The following LHFPL3 variants were observed in gnomAD, a reference collection of about 807,000 sequenced individuals.
The protein encoded by LHFPL3 is LHFPL tetraspan subfamily member 3 protein.
In LHFPL3, 5 loss-of-function variants were observed where a neutral mutation model predicts 19.3. The ratio of observed to expected loss-of-function variants is 0.26; its 90% CI spans 0.14 to 0.54. The LOEUF (loss-of-function observed/expected upper bound fraction) is 0.54, where lower values mean the gene tolerates loss of function less well. LHFPL3 is among the 20% of genes least tolerant of loss of function. The pLI is 0.94. For missense variants in LHFPL3, 249 were observed against 307.4 expected (o/e 0.81, Z 1.42); for synonymous variants, 133 against 126.2 (o/e 1.05, Z -0.36).
intron 1 of LHFPL3, among the ~76,000 whole-genome samples, chr7:104,553,029 C>T (rs1794691024): frequency 6.6e-6 from 1 of 152,126 alleles, no homozygotes. Flanking sequence ...CCATAAAGCC[C>T]TTAGAGTGCT....
chr7:104,549,448 AACACACACACAC>A (rs61148155), intron 1 of LHFPL3, among the ~76,000 whole-genome samples: 70 of 140,322 alleles, frequency 5.0e-4, no homozygotes, highest in East Asian at 8.5e-4. Flanking sequence ...CCCTTAACCC[AACACACACACAC>A]ACACACACAC....
intron 1 of LHFPL3, among the ~76,000 whole-genome samples, chr7:104,551,116 TACACACAC>T (rs3049711): frequency 3.8e-4 from 57 of 150,262 alleles, no homozygotes; most frequent in Non-Finnish European, 6.8e-4. Context: ...CATCCTTGTG[TACACACAC>T]ACACACACAC....
chr7:104,874,243 T>G (rs1791891377), intron 2 of LHFPL3, among the ~76,000 whole-genome samples: 1 of 152,228 alleles, frequency 6.6e-6, no homozygotes, highest in African/African-American at 2.4e-5. Flanking sequence ...TGAAGAGCAT[T>G]TCCTCTTAGT....
intron 1 of LHFPL3, among the ~76,000 whole-genome samples, chr7:104,406,022 G>A (rs1791405540): frequency 6.6e-6 from 1 of 152,242 alleles, no homozygotes. Flanking sequence ...CTTCTTGAGT[G>A]TATCTGACCA....
intron 1 of LHFPL3, among the ~76,000 whole-genome samples, chr7:104,408,945 A>G (rs1791478723): frequency 7.0e-6 from 1 of 143,136 alleles, no homozygotes; most frequent in African/African-American, 2.6e-5. Context: ...TCTCACTGCA[A>G]GCTCCGCCTC....
intron 1 of LHFPL3, among the ~76,000 whole-genome samples, chr7:104,585,480 A>AACACACACACACACACAC (rs57028058): frequency 0.036 from 4,400 of 123,092 alleles, 276 homozygotes; most frequent in Non-Finnish European, 0.048. Flanking sequence ...AACACACACA[A>AACACACACACACACACAC]ACACACACAC....
At chr7:104,807,265 G>C (rs1013710314) in intron 2 of LHFPL3, among the ~76,000 whole-genome samples, 1 of 151,996 alleles carries the variant, frequency 6.6e-6, no homozygotes, top group Non-Finnish European at 1.5e-5. Context: ...AGGTTGGGGC[G>C]ATGTTTCCAC....
chr7:104,832,234 C>T (rs1415049779), intron 2 of LHFPL3, among the ~76,000 whole-genome samples: 1 of 151,930 alleles, frequency 6.6e-6, no homozygotes. Flanking sequence ...GTGGAAAAAT[C>T]TAAAGTTGGT....
intron 2 of LHFPL3, among the ~76,000 whole-genome samples, chr7:104,806,007 G>A (rs1298222859): frequency 1.3e-5 from 2 of 152,206 alleles, no homozygotes; most frequent in Non-Finnish European, 2.9e-5. Context: ...AAAGAAGACA[G>A]GTGGTGCATT....
chr7:104,340,414 C>T (rs1351236061), intron 1 of LHFPL3, among the ~76,000 whole-genome samples: 4 of 152,016 alleles, frequency 2.6e-5, no homozygotes, highest in Non-Finnish European at 5.9e-5. Context: ...ATATTTTCTT[C>T]GTTCTTAGGA....
At position 104,467,731 on chromosome 7, in the gene LHFPL3, A is replaced by G. The variant is rs1364007516; in HGVS notation, c.445+138507A>G. 5.9e-5 allele frequency among the ~76,000 whole-genome samples: 9 copies of G among 152,228 alleles called. No individual in the cohort carries two copies. In the East Asian group the frequency reaches 1.7e-3, roughly 29 times the overall value. On this transcript the variant is annotated intron_variant, in intron 1 of 2. Coordinates refer to ENST00000424859, the MANE Select transcript of LHFPL3 (RefSeq NM_199000.3). ...CGGACAGGATTATATTTGGGAATATACAGATTAAAAACATGGATTGATAGT... is the reference window on the plus strand; with the variant it reads ...CGGACAGGATTATATTTGGGAATATGCAGATTAAAAACATGGATTGATAGT...
intron 1 of LHFPL3, among the ~76,000 whole-genome samples, chr7:104,429,148 C>T (rs897975718): frequency 5.3e-5 from 8 of 151,682 alleles, no homozygotes; most frequent in Admixed American, 6.6e-5. Context: ...AGTGTTCAAG[C>T]ATTTAAAAAA....
At chr7:104,759,661 T>C (rs929114728) in intron 2 of LHFPL3, 1 of 152,194 alleles carries the variant, frequency 6.6e-6, no homozygotes, top group African/African-American at 2.4e-5. Context: ...CATGAGTTTA[T>C]GAAAACCCTC....
At chr7:104,798,269 A>C (rs1584539642) in intron 2 of LHFPL3, 1 of 152,404 alleles carries the variant, frequency 6.6e-6, no homozygotes, top group East Asian at 1.9e-4. Flanking sequence ...GAAATAAAAA[A>C]GAATCTACAT....
intron 1 of LHFPL3, among the ~76,000 whole-genome samples, chr7:104,617,513 A>T (rs190186297): frequency 6.6e-6 from 1 of 152,298 alleles, no homozygotes; most frequent in African/African-American, 2.4e-5. Context: ...TCGCTAGATG[A>T]CTTATATTTA....
intron 2 of LHFPL3, among the ~76,000 whole-genome samples, chr7:104,778,855 C>T (rs1562989858): frequency 6.6e-6 from 1 of 152,220 alleles, no homozygotes; most frequent in Non-Finnish European, 1.5e-5. Context: ...GATAACAGAG[C>T]TAATGTCAGA....
chr7:104,522,443 G>A lies in LHFPL3; in HGVS notation c.445+193219G>A, dbSNP rs568052437. Among the ~76,000 whole-genome samples the A allele has an allele frequency of 4.2e-4, 63 of 150,496 alleles. No individual in the cohort carries two copies. In the South Asian group the frequency reaches 5.3e-3, roughly 13 times the overall value. ...GGAGATATACCTAATGCGAGATGACGAGTTAGTGGGTGCAGCGCACCAGCA... is the reference window on the plus strand; with the variant it reads ...GGAGATATACCTAATGCGAGATGACAAGTTAGTGGGTGCAGCGCACCAGCA... On this transcript the variant is annotated intron_variant, in intron 1 of 2. Transcript: ENST00000424859.
chr7:104,500,305 C>T (rs1341925267), intron 1 of LHFPL3, among the ~76,000 whole-genome samples: 2 of 151,890 alleles, frequency 1.3e-5, no homozygotes, highest in East Asian at 3.8e-4. Flanking sequence ...AACTGGAGAT[C>T]AATACTTGAT....
intron 1 of LHFPL3, among the ~76,000 whole-genome samples, chr7:104,649,521 A>G (rs1373746842): frequency 6.6e-6 from 1 of 152,188 alleles, no homozygotes; most frequent in Non-Finnish European, 1.5e-5. Flanking sequence ...CCTCTCAGCT[A>G]ATATTAGCTC....
Sources: allele counts gnomAD v4.1 joint callset (sites outside exome capture counted in the v4.1 genomes callset), GRCh38; gene constraint gnomAD v4.1.1; transcripts MANE v1.5; gene names NCBI Gene and HGNC (gene_info 2026-07-23, HGNC 2026-07-21).